The following CNTN4 variants were observed in gnomAD, a reference collection of about 807,000 sequenced individuals.
CNTN4 encodes the protein contactin-4.
CNTN4 carries 77 observed loss-of-function variants against 122.5 expected under a neutral mutation model. The observed-to-expected ratio is 0.63, with a 90% CI of 0.52 to 0.76. The LOEUF (loss-of-function observed/expected upper bound fraction) is 0.76. CNTN4 is among the 30% of genes least tolerant of loss of function. The pLI is 0.00. For synonymous variants in CNTN4, 512 were observed against 447.0 expected, an observed-to-expected ratio of 1.15 and a Z score of -1.83; for missense variants, 1,256 against 1,259.1, an observed-to-expected ratio of 1.00 and a Z score of 0.04.
chr3:2,124,851 G>A (rs545991222), intron 2 of CNTN4, among the ~76,000 whole-genome samples: 9 of 152,180 alleles, frequency 5.9e-5, no homozygotes, highest in Admixed American at 2.0e-4. Flanking sequence ...TACAATTTGC[G>A]GATTTTAATA....
chr3:2,557,844 T>A (rs1668426053), intron 3 of CNTN4, among the ~76,000 whole-genome samples: 1 of 152,296 alleles, frequency 6.6e-6, no homozygotes, highest in Middle Eastern at 3.4e-3. Context: ...CATAACAAAG[T>A]AACAACATTG....
intron 7 of CNTN4, among the ~76,000 whole-genome samples, chr3:2,845,985 C>T (rs2093449197): frequency 6.6e-6 from 1 of 152,100 alleles, no homozygotes; most frequent in African/African-American, 2.4e-5. Context: ...CATAGAGATG[C>T]CATTTTTGTC....
At chr3:2,627,471 G>A (rs1338841755) in intron 4 of CNTN4, among the ~76,000 whole-genome samples, 1 of 150,946 alleles carries the variant, frequency 6.6e-6, no homozygotes, top group Non-Finnish European at 1.5e-5. Flanking sequence ...TCCACATGAG[G>A]GATGTTGCCA....
intron 3 of CNTN4, among the ~76,000 whole-genome samples, chr3:2,340,946 G>C (rs2044187942): frequency 6.6e-6 from 1 of 151,846 alleles, no homozygotes; most frequent in Non-Finnish European, 1.5e-5. Flanking sequence ...TATTGACTGG[G>C]TATGCTCCTT....
intron 4 of CNTN4, among the ~76,000 whole-genome samples, chr3:2,610,665 C>G (rs142873580): frequency 1.4e-4 from 22 of 152,132 alleles, no homozygotes; most frequent in African/African-American, 4.8e-4. Flanking sequence ...AGAGAACAGA[C>G]CATGGAAATG....
chr3:2,919,785 G>T (rs1466885641), intron 12 of CNTN4, among the ~76,000 whole-genome samples: 1 of 152,174 alleles, frequency 6.6e-6, no homozygotes, highest in Non-Finnish European at 1.5e-5. Context: ...ATATGGATAG[G>T]ATGGGTCAAA....
chr3:2,811,966 A>G (rs2092623503), intron 6 of CNTN4, among the ~76,000 whole-genome samples: 1 of 152,128 alleles, frequency 6.6e-6, no homozygotes, highest in South Asian at 2.1e-4. Context: ...GTGCCCAGCC[A>G]AAAATCACAT....
At chr3:2,647,035 C>T (rs1465479507) in intron 4 of CNTN4, among the ~76,000 whole-genome samples, 1 of 152,166 alleles carries the variant, frequency 6.6e-6, no homozygotes, top group African/African-American at 2.4e-5. Context: ...GACCCTGAAG[C>T]TCTGTTTTCA....
chr3:2,908,466 T>C (rs898042731), intron 12 of CNTN4, among the ~76,000 whole-genome samples: 3 of 152,056 alleles, frequency 2.0e-5, no homozygotes, highest in Non-Finnish European at 1.5e-5. Context: ...AGGAAAAACC[T>C]GTAAGGAAAA....
chr3:2,909,057 A>G (rs999054001), intron 12 of CNTN4, among the ~76,000 whole-genome samples: 1 of 152,240 alleles, frequency 6.6e-6, no homozygotes, highest in Non-Finnish European at 1.5e-5. Flanking sequence ...CATTAAGGCT[A>G]AACTAAAAGT....
chr3:2,824,290 C>T (rs1453640542), intron 7 of CNTN4, among the ~76,000 whole-genome samples: 7 of 151,914 alleles, frequency 4.6e-5, no homozygotes, highest in South Asian at 2.1e-4. Flanking sequence ...AGAGAAACCC[C>T]GTCTCTGCTA....
chr3:2,805,464 A>G (rs2092443698), intron 6 of CNTN4, among the ~76,000 whole-genome samples: 1 of 152,164 alleles, frequency 6.6e-6, no homozygotes, highest in South Asian at 2.1e-4. Flanking sequence ...TGACATGGAA[A>G]ATGAGAATGT....
intron 23 of CNTN4, among the ~76,000 whole-genome samples, chr3:3,050,631 C>T (rs959076713): frequency 8.6e-5 from 13 of 151,890 alleles, no homozygotes; most frequent in African/African-American, 1.7e-4. Flanking sequence ...GGCATGGTGG[C>T]GCATGCCTGT....
chr3:2,600,018 T>C (rs1208996712), intron 4 of CNTN4, among the ~76,000 whole-genome samples: 1 of 140,808 alleles, frequency 7.1e-6, no homozygotes, highest in African/African-American at 2.7e-5. Context: ...CTTTTTTTTT[T>C]TTTTTTTTTT....
intron 4 of CNTN4, among the ~76,000 whole-genome samples, chr3:2,706,550 A>T (rs147920955): frequency 4.9e-4 from 74 of 152,264 alleles, no homozygotes; most frequent in African/African-American, 1.7e-3. Context: ...TGCACACTTT[A>T]TGTAATATTG....
chr3:2,665,073 A>G (rs1559362545), intron 4 of CNTN4, among the ~76,000 whole-genome samples: 1 of 152,142 alleles, frequency 6.6e-6, no homozygotes, highest in East Asian at 1.9e-4. Flanking sequence ...ATCTCTAGGG[A>G]TATAATTATT....
At chr3:2,986,406 A>G (rs1463436200) in intron 13 of CNTN4, among the ~76,000 whole-genome samples, 1 of 152,238 alleles carries the variant, frequency 6.6e-6, no homozygotes, top group African/African-American at 2.4e-5. Context: ...TGGTACAGCT[A>G]GAACCCACAG....
chr3:2,608,462 T>C (rs989138755), intron 4 of CNTN4, among the ~76,000 whole-genome samples: 4 of 151,892 alleles, frequency 2.6e-5, no homozygotes, highest in African/African-American at 9.7e-5. Context: ...GCTGTCTGTT[T>C]AAAAAAGAAA....
chr3:2,141,763 G>A (rs1040550388), intron 2 of CNTN4, among the ~76,000 whole-genome samples: 4 of 151,960 alleles, frequency 2.6e-5, no homozygotes, highest in Non-Finnish European at 5.9e-5. Flanking sequence ...ACTACAAGCA[G>A]AATTACCCCA....
Sources: allele counts gnomAD v4.1 joint callset (sites outside exome capture counted in the v4.1 genomes callset), GRCh38; gene constraint gnomAD v4.1.1; transcripts MANE v1.5; gene names NCBI Gene and HGNC (gene_info 2026-07-23, HGNC 2026-07-21).